Variants in TENM2 observed in about 807,000 individuals in gnomAD.
TENM2 encodes the protein teneurin transmembrane protein 2.
TENM2 carries 52 observed loss-of-function variants against 245.2 expected under a neutral mutation model. The ratio of observed to expected loss-of-function variants is 0.21; its 90% CI spans 0.17 to 0.27. TENM2 has a LOEUF of 0.27. Ranked by LOEUF, TENM2 falls within the 10% of genes least tolerant of loss-of-function variation. The pLI is 1.00. For missense variants in TENM2, 3,046 were observed against 3,666.8 expected (o/e 0.83, Z 4.37); for synonymous variants, 1,363 against 1,438.9 (o/e 0.95, Z 1.19).
chr5:167,873,947 A>C (rs1019054043), intron 2 of TENM2, among the ~76,000 whole-genome samples: 1 of 152,084 alleles, frequency 6.6e-6, no homozygotes, highest in African/African-American at 2.4e-5. Flanking sequence ...AAGCTTTAAG[A>C]GTATCTCATC....
chr5:167,161,258 G>C, the TENM2 span, among the ~76,000 whole-genome samples: 1 of 152,120 alleles, frequency 6.6e-6, no homozygotes, highest in African/African-American at 2.4e-5. Flanking sequence ...ATAATATTTT[G>C]TGGGACCACA....
At chr5:167,430,378 G>T (rs1447689431) in intron 2 of TENM2, among the ~76,000 whole-genome samples, 1 of 152,088 alleles carries the variant, frequency 6.6e-6, no homozygotes, top group Non-Finnish European at 1.5e-5. Context: ...ACAGAAGGAG[G>T]TGTTCATTTA....
In TENM2 at chr5:167,433,261, ATATCG is replaced by A. The variant is rs374392221; in HGVS notation, c.502+57790_502+57794del. 2.2e-4 allele frequency among the ~76,000 whole-genome samples: 33 copies of A among 152,236 alleles called. No homozygotes were observed. The East Asian group carries it at 4.8e-3, about 22-fold the overall frequency. On this transcript the variant is annotated intron_variant, in intron 2 of 28. Transcript: ENST00000518659. ...TCAAGTCCATTTTAATACAGATTAAATATCGTGGCCATGTTCTACAAAGTGTGAGT... is the reference window on the plus strand; with the variant it reads ...TCAAGTCCATTTTAATACAGATTAAATGGCCATGTTCTACAAAGTGTGAGT...
chr5:167,670,891 G>A lies in TENM2; in HGVS notation c.503-205095G>A, dbSNP rs1755897770. Among the ~76,000 whole-genome samples the A allele has an allele frequency of 2.6e-5, 4 of 151,972 alleles. No individual in the cohort carries two copies. In the South Asian group the frequency reaches 8.3e-4, roughly 32 times the overall value. The stretch of plus-strand genomic sequence containing the variant: ...TCCTTGCTTCTTTTTTGCATCCCAA[G>A]CCATTGCATTTACTCAGCTCTGTAG... On this transcript the variant is annotated intron_variant, in intron 2 of 28. Coordinates refer to ENST00000518659, the Ensembl canonical transcript of TENM2.
At chr5:167,382,410 A>C (rs1422525) in intron 2 of TENM2, among the ~76,000 whole-genome samples, 82,744 of 151,986 alleles carry the variant, frequency 0.54, 23,897 homozygotes, top group African/African-American at 0.76. Flanking sequence ...TAATGCTGAA[A>C]TGGGAACCAG....
the TENM2 span, among the ~76,000 whole-genome samples, chr5:167,060,609 C>T: frequency 1.8e-4 from 27 of 149,070 alleles, no homozygotes; most frequent in Middle Eastern, 3.5e-3. Flanking sequence ...CAAGATCATT[C>T]CACTGCACTC....
Position 167,573,922 on chromosome 5 carries a change from G to C in TENM2, c.502+198449G>C, listed in dbSNP as rs541650201. ...AAAAAAAAGAAAGAAAAAAAAAGGC[G>C]GGGGGTGGACTTAGCAGTGTAATTT... On this transcript the variant is annotated intron_variant, in intron 2 of 28. Coordinates refer to ENST00000518659, the Ensembl canonical transcript of TENM2. The C allele has an allele frequency of 5.3e-5, 8 of 152,144 alleles. No individual in the cohort carries two copies. In the South Asian group the frequency reaches 1.7e-3, roughly 32 times the overall value. 9.4% of individuals were successfully genotyped at this position (152,144 alleles called of 1,614,324 possible).
In TENM2 at chr5:168,199,858, C is replaced by A. The variant is rs1255732047; in HGVS notation, c.3163-6C>A. 1 of 1,612,852 alleles carries A rather than the reference C, an allele frequency of 6.2e-7. No individual in the cohort carries two copies. ...GGTGTGTGTCTGCCATGTGTTTCCT[C>A]TCCAGGTTCTTCATGAAGAAATCGA... On this transcript the variant is annotated splice_region_variant and splice_polypyrimidine_tract_variant and intron_variant, in intron 16 of 28. Coordinates refer to ENST00000518659, the Ensembl canonical transcript of TENM2.
intron 11 of TENM2, among the ~76,000 whole-genome samples, chr5:168,126,230 T>C (rs1442494901): frequency 6.6e-6 from 1 of 152,044 alleles, no homozygotes; most frequent in Non-Finnish European, 1.5e-5. Context: ...AGCAGCGGGG[T>C]CCCCAACTGA....
At chr5:167,259,371 C>T in the TENM2 span, among the ~76,000 whole-genome samples, 10 of 152,124 alleles carry the variant, frequency 6.6e-5, no homozygotes, top group Non-Finnish European at 1.3e-4. Context: ...TTCTAAAGAG[C>T]AGCTGGAAAT....
the TENM2 span, among the ~76,000 whole-genome samples, chr5:167,073,406 T>C: frequency 6.6e-6 from 1 of 152,174 alleles, no homozygotes; most frequent in South Asian, 2.1e-4. Flanking sequence ...CCTCAAGTTG[T>C]GTTTGCATTG....
At chr5:168,159,875 G>T (rs1329769523) in intron 12 of TENM2, among the ~76,000 whole-genome samples, 1 of 152,204 alleles carries the variant, frequency 6.6e-6, no homozygotes, top group Non-Finnish European at 1.5e-5. Context: ...TTAAAAAAAA[G>T]CCTCATTCAA....
At chr5:168,189,995 T>G (rs1760802766) in intron 13 of TENM2, among the ~76,000 whole-genome samples, 1 of 152,216 alleles carries the variant, frequency 6.6e-6, no homozygotes, top group Non-Finnish European at 1.5e-5. Context: ...GCTGTGTTGT[T>G]TAAAAGCGAA....
intron 3 of TENM2, among the ~76,000 whole-genome samples, chr5:167,945,119 G>GTTCA (rs1294528746): frequency 1.3e-5 from 2 of 152,110 alleles, no homozygotes; most frequent in African/African-American, 4.8e-5. Context: ...GACATGATTT[G>GTTCA]TTCATTCATT....
chr5:167,400,078 C>T lies in TENM2; in HGVS notation c.502+24605C>T, dbSNP rs146901941. On this transcript the variant is annotated intron_variant, in intron 2 of 28. Coordinates refer to ENST00000518659, the Ensembl canonical transcript of TENM2. Reference sequence around the variant, plus strand: ...GCATAGCAAAGTATTTTGACTTTACCATGGAAGCAAATGTGGGTCACCGAA... The same window carrying T: ...GCATAGCAAAGTATTTTGACTTTACTATGGAAGCAAATGTGGGTCACCGAA... 6.6e-3 allele frequency among the ~76,000 whole-genome samples: 1,009 copies of T among 152,172 alleles called. 6 individuals are homozygous for T. Among genetic ancestry groups the T allele is most frequent in the Middle Eastern group, 0.017 (5 of 294 alleles).
intron 13 of TENM2, among the ~76,000 whole-genome samples, chr5:168,177,452 G>A (rs1409784112): frequency 1.3e-5 from 2 of 152,158 alleles, no homozygotes; most frequent in African/African-American, 4.8e-5. Context: ...CTGACCTGGG[G>A]TTGAACACAG....
chr5:167,141,910 T>G, the TENM2 span, among the ~76,000 whole-genome samples: 1 of 152,228 alleles, frequency 6.6e-6, no homozygotes, highest in Non-Finnish European at 1.5e-5. Flanking sequence ...AGCTTAATTG[T>G]GTCAATAATT....
At chr5:168,167,281 G>A (rs1758386848) in intron 13 of TENM2, among the ~76,000 whole-genome samples, 1 of 151,996 alleles carries the variant, frequency 6.6e-6, no homozygotes, top group South Asian at 2.1e-4. Context: ...GTAGGAGAGA[G>A]GGTGTAGGTT....
At chr5:167,654,528 G>A (rs1204838730) in intron 2 of TENM2, among the ~76,000 whole-genome samples, 1 of 152,058 alleles carries the variant, frequency 6.6e-6, no homozygotes, top group Non-Finnish European at 1.5e-5. Context: ...TTTGCATGGG[G>A]ATGGAGATGA....
Sources: gnomAD v4.1 joint callset for allele counts (sites outside exome capture counted in the v4.1 genomes callset) on GRCh38, gnomAD v4.1.1 for gene constraint, MANE v1.5 for transcripts, NCBI Gene and HGNC (gene_info 2026-07-23, HGNC 2026-07-21) for gene names.